GRIP2: variants seen among roughly 807,000 people sequenced by gnomAD.
The protein encoded by GRIP2 is glutamate receptor interacting protein 2, also known as glutamate receptor-interacting protein 2.
In GRIP2, 58 loss-of-function variants were observed where a neutral mutation model predicts 108.3. The observed-to-expected ratio is 0.54, with a 90% CI of 0.43 to 0.67. GRIP2 has a LOEUF of 0.67. Among genes scored for constraint, GRIP2 ranks in the 30% least tolerant of loss-of-function variants. GRIP2 has a pLI of 0.00. For synonymous variants in GRIP2, 586 were observed against 598.2 expected (o/e 0.98, Z 0.30); for missense variants, 1,278 against 1,430.6 (o/e 0.89, Z 1.72).
In GRIP2 at chr3:14,503,665, G is replaced by A. The variant is rs1023740294; in HGVS notation, c.2580C>T (p.Ala860=). 4 of 1,604,920 alleles carry A rather than the reference G, an allele frequency of 2.5e-6. No individual in the cohort carries two copies. The highest frequency in any genetic ancestry group is 3.4e-6 in the Non-Finnish European group (4 of 1,175,946). ...AGCCCTCCTCTCGGGCAGGGCCAGG[G>A]GCTGGGCTGTAACGTAGGAACCAGA... ...EDDWEPPTSP[A]PGPAREEGFW... is the part of the protein sequence containing the mutation. The change falls in exon 21 of 24, where the codon GCC becomes GCT. Residue 860 remains alanine, a synonymous_variant. Coordinates refer to ENST00000621039, the MANE Select transcript of GRIP2 (RefSeq NM_001080423.4).
At chr3:14,589,409 T>C in the GRIP2 span, among the ~76,000 whole-genome samples, 6 of 152,132 alleles carry the variant, frequency 3.9e-5, no homozygotes, top group African/African-American at 7.2e-5. Flanking sequence ...TTGCCTACCA[T>C]GGGAGAGGTG....
chr3:14,586,514 C>A, the GRIP2 span, among the ~76,000 whole-genome samples: 2 of 152,214 alleles, frequency 1.3e-5, no homozygotes, highest in Non-Finnish European at 2.9e-5. Context: ...TGCCCTCCCC[C>A]GGAGGCTGGT....
In GRIP2 at chr3:14,508,248, C is replaced by G. The variant is rs187698305; in HGVS notation, c.2079-548G>C. Among the ~76,000 whole-genome samples, 13 of 152,330 alleles carry G rather than the reference C, an allele frequency of 8.5e-5. No homozygotes were observed. In the East Asian group the frequency reaches 2.5e-3, roughly 29 times the overall value. The stretch of plus-strand genomic sequence containing the variant: ...GTAGGGCGTGAAGGGCTGGTGATGC[C>G]AGGCGGCAGCACTGCTGTGGCCCAG... On this transcript the variant is annotated intron_variant, in intron 17 of 23. Transcript: ENST00000621039.
chr3:14,553,395 G>A (rs773936605), intron 1 of GRIP2, among the ~76,000 whole-genome samples: 1 of 152,138 alleles, frequency 6.6e-6, no homozygotes, highest in Admixed American at 6.5e-5. Flanking sequence ...ACAGGCATAA[G>A]CCACCGTGCC....
intron 1 of GRIP2, among the ~76,000 whole-genome samples, chr3:14,552,730 T>C (rs532485839): frequency 2.0e-5 from 3 of 151,854 alleles, no homozygotes; most frequent in African/African-American, 7.2e-5. Flanking sequence ...GTAGCTGGAA[T>C]TACAGGCGTG....
chr3:14,592,421 G>T, the GRIP2 span, among the ~76,000 whole-genome samples: 4 of 152,232 alleles, frequency 2.6e-5, no homozygotes, highest in African/African-American at 4.8e-5. Flanking sequence ...TGGTAAAGGA[G>T]TCGGGGAAAG....
In GRIP2 at chr3:14,507,324, C is replaced by A. The variant is rs189790198; in HGVS notation, c.2218+237G>T. Among the ~76,000 whole-genome samples, 1 of 152,360 alleles carries A rather than the reference C, an allele frequency of 6.6e-6. No individual in the cohort carries two copies. Among genetic ancestry groups the A allele is most frequent in the African/African-American group, 2.4e-5 (1 of 41,588 alleles). The stretch of plus-strand genomic sequence containing the variant: ...CCATGAAGCATACACACGTGAGCAC[C>A]TTAAGAGGCAGGAAGTAATGAAGAA... On this transcript the variant is annotated intron_variant, in intron 18 of 23. Coordinates refer to ENST00000621039, the MANE Select transcript of GRIP2 (RefSeq NM_001080423.4). The surrounding 1 kb of genome is among the most constrained non-coding windows in gnomAD (Gnocchi z 4.6).
chr3:14,584,533 T>C, the GRIP2 span, among the ~76,000 whole-genome samples: 1 of 152,188 alleles, frequency 6.6e-6, no homozygotes, highest in Admixed American at 6.5e-5. Flanking sequence ...GTGTGCTCGC[T>C]ACAAGGAAGA....
the GRIP2 span, among the ~76,000 whole-genome samples, chr3:14,594,488 G>A: frequency 6.6e-6 from 1 of 152,206 alleles, no homozygotes; most frequent in African/African-American, 2.4e-5. Context: ...CCCTCACCTT[G>A]CCTGAGGCCT....
upstream of GRIP2, chr3:14,542,014 A>G (rs377108418): frequency 8.1e-6 from 11 of 1,353,340 alleles, no homozygotes; most frequent in East Asian, 9.3e-5. Context: ...CTGCTCTAAC[A>G]GATCCTCACC....
chr3:14,527,052 T>C (rs549408767), intron 1 of GRIP2, among the ~76,000 whole-genome samples: 1 of 152,094 alleles, frequency 6.6e-6, no homozygotes, highest in Non-Finnish European at 1.5e-5. Flanking sequence ...CCGGGCATGG[T>C]GGTGCATGCC....
chr3:14,588,809 AGGGCCCCCCACACC>A, the GRIP2 span, among the ~76,000 whole-genome samples: 1 of 152,188 alleles, frequency 6.6e-6, no homozygotes, highest in Admixed American at 6.5e-5. Flanking sequence ...GGTTGTTTGA[AGGGCCCCCCACACC>A]TCCCACACAG....
At chr3:14,495,826 T>C (rs967936605) in intron 22 of GRIP2, among the ~76,000 whole-genome samples, 18 of 152,322 alleles carry the variant, frequency 1.2e-4, no homozygotes, top group African/African-American at 3.6e-4. Flanking sequence ...TTATATGTTA[T>C]ATGTAAATAT....
the GRIP2 span, among the ~76,000 whole-genome samples, chr3:14,572,619 A>AAAAAAAAAAAAAAAAAAG: frequency 1.4e-5 from 2 of 148,078 alleles, no homozygotes; most frequent in African/African-American, 2.5e-5. Flanking sequence ...CTCAAAAAAA[A>AAAAAAAAAAAAAAAAAAG]AAAAAAAAAA....
At chr3:14,574,335 C>G in the GRIP2 span, 1 of 1,026,362 alleles carries the variant, frequency 9.7e-7, no homozygotes, top group South Asian at 1.3e-5. Context: ...GAAGAGTTTG[C>G]GCACCGGCAC....
chr3:14,564,882 C>T, the GRIP2 span, among the ~76,000 whole-genome samples: 1 of 152,234 alleles, frequency 6.6e-6, no homozygotes, highest in African/African-American at 2.4e-5. Flanking sequence ...GAATCAGGTG[C>T]TGGCCAGGCC....
At chr3:14,587,503 G>C in the GRIP2 span, among the ~76,000 whole-genome samples, 1 of 152,104 alleles carries the variant, frequency 6.6e-6, no homozygotes. Context: ...GCCAGGCATG[G>C]TGGCGGGCAC....
At chr3:14,552,222 G>A (rs997117129) in intron 1 of GRIP2, among the ~76,000 whole-genome samples, 2 of 152,166 alleles carry the variant, frequency 1.3e-5, no homozygotes, top group Admixed American at 6.5e-5. Context: ...TGATGTGGCT[G>A]CCAGGAGAAA....
chr3:14,520,094 T>C lies in GRIP2; in HGVS notation c.1030+16A>G, dbSNP rs550061839. 1 of 1,574,666 alleles carries C rather than the reference T, an allele frequency of 6.4e-7. No homozygotes were observed. Among genetic ancestry groups the C allele is most frequent in the African/African-American group, 1.3e-5 (1 of 74,172 alleles). Reference sequence around the variant, plus strand: ...CTGCCCAGGTTTGGGCCCTGAGATCTACTGAGGGGACCCACCTGCCTCTGA... The same window carrying C: ...CTGCCCAGGTTTGGGCCCTGAGATCCACTGAGGGGACCCACCTGCCTCTGA... On this transcript the variant is annotated intron_variant, in intron 9 of 23. Coordinates refer to ENST00000621039, the MANE Select transcript of GRIP2 (RefSeq NM_001080423.4).
Sources: allele counts gnomAD v4.1 joint callset (sites outside exome capture counted in the v4.1 genomes callset), GRCh38; gene constraint gnomAD v4.1.1; non-coding constraint Gnocchi (gnomAD v3.1); transcripts MANE v1.5; gene names NCBI Gene and HGNC (gene_info 2026-07-23, HGNC 2026-07-21).